Variants in TRAF3 observed in about 807,000 individuals in gnomAD.
TRAF3 encodes the protein TNF receptor-associated factor 3.
A neutral mutation model predicts 62.3 loss-of-function variants in TRAF3; 13 were observed. The ratio of observed to expected loss-of-function variants is 0.21; its 90% CI spans 0.14 to 0.33. The LOEUF (loss-of-function observed/expected upper bound fraction) is 0.33, where lower values mean the gene tolerates loss of function less well. Among genes scored for constraint, TRAF3 ranks in the 10% least tolerant of loss-of-function variants. The pLI is 1.00. For synonymous variants in TRAF3, 269 were observed against 283.4 expected, an observed-to-expected ratio of 0.95 and a Z score of 0.51; for missense variants, 440 against 741.8, an observed-to-expected ratio of 0.59 and a Z score of 4.73.
chr14:102,842,365 G>A (rs976667448), intron 2 of TRAF3, among the ~76,000 whole-genome samples: 6 of 150,460 alleles, frequency 4.0e-5, no homozygotes, highest in Non-Finnish European at 5.9e-5. Flanking sequence ...ATGCAGTAGA[G>A]GGATCACAAC....
rs1890562907 is a variant in TRAF3 at position 102,905,891 on chromosome 14, G to A, written c.*107G>A. On this transcript the variant is annotated 3_prime_UTR_variant, in exon 12 of 12. Coordinates refer to ENST00000392745, the MANE Select transcript of TRAF3 (RefSeq NM_145725.3). ...GCTCAGAAAAGGACCTTGTGAGACG[G>A]AGGAAGCGGCAGAAGGCGGACGCGT... 1.8e-6 allele frequency: 2 copies of A among 1,088,266 alleles called. No individual in the cohort carries two copies. Among genetic ancestry groups the A allele is most frequent in the East Asian group, 2.6e-5 (1 of 38,710 alleles). The allele number at this position is 1,088,266 out of a possible 1,614,324, so 67.4% of individuals were successfully genotyped here.
intron 2 of TRAF3, among the ~76,000 whole-genome samples, chr14:102,864,141 C>T (rs1036778639): frequency 4.7e-5 from 7 of 147,852 alleles, no homozygotes; most frequent in Non-Finnish European, 1.0e-4. Flanking sequence ...CGGTTTTTGC[C>T]TTTTTCTTTT....
At chr14:102,840,345 C>T (rs185616225) in intron 2 of TRAF3, among the ~76,000 whole-genome samples, 28 of 152,276 alleles carry the variant, frequency 1.8e-4, no homozygotes, top group Admixed American at 3.3e-4. Context: ...ATCCTCCAGC[C>T]TCAGCCTCCT....
At chr14:102,881,395 C>CAA (rs57546209) in intron 6 of TRAF3, among the ~76,000 whole-genome samples, 1 of 117,434 alleles carries the variant, frequency 8.5e-6, no homozygotes, top group Non-Finnish European at 2.0e-5. Context: ...ACAACAAAAA[C>CAA]AAAAAAAAAA....
intron 6 of TRAF3, among the ~76,000 whole-genome samples, chr14:102,878,543 G>A (rs1888853863): frequency 2.0e-5 from 3 of 152,144 alleles, no homozygotes; most frequent in African/African-American, 4.8e-5. Context: ...ACTGTGCGCC[G>A]GGCAGTATTC....
intron 2 of TRAF3, among the ~76,000 whole-genome samples, chr14:102,865,507 T>C (rs1453975352): frequency 6.6e-6 from 1 of 150,798 alleles, no homozygotes; most frequent in Admixed American, 6.6e-5. Context: ...ATTTTTTTTT[T>C]TTTTTTTTTT....
intron 1 of TRAF3, among the ~76,000 whole-genome samples, chr14:102,786,605 T>G (rs145928914): frequency 1.2e-3 from 181 of 152,216 alleles, no homozygotes; most frequent in African/African-American, 3.7e-3. Flanking sequence ...GATAATTGCT[T>G]GAACCCGGGA....
intron 1 of TRAF3, 100 bp downstream of exon 1, chr14:102,777,775 C>T (rs1347955658): frequency 6.9e-6 from 1 of 144,406 alleles, no homozygotes; most frequent in Non-Finnish European, 1.5e-5. Flanking sequence ...GCCCGGGGGC[C>T]TCGGGGCTGC....
chr14:102,891,741 A>G (rs538872446), intron 9 of TRAF3, among the ~76,000 whole-genome samples: 1 of 152,104 alleles, frequency 6.6e-6, no homozygotes, highest in South Asian at 2.1e-4. Context: ...TTATTGGAAG[A>G]CAGCCATCCT....
intron 6 of TRAF3, among the ~76,000 whole-genome samples, chr14:102,881,074 C>T (rs1025344884): frequency 4.0e-5 from 6 of 151,794 alleles, no homozygotes; most frequent in Admixed American, 2.6e-4. Flanking sequence ...TCAACAAGAG[C>T]GAAACTCCGT....
chr14:102,865,674 A>G (rs1321279398), intron 2 of TRAF3, among the ~76,000 whole-genome samples: 2 of 151,832 alleles, frequency 1.3e-5, no homozygotes, highest in Non-Finnish European at 2.9e-5. Flanking sequence ...TAATTTTTGT[A>G]TTTTAGTAGA....
chr14:102,879,944 C>G (rs981340534), intron 6 of TRAF3, among the ~76,000 whole-genome samples: 1 of 152,018 alleles, frequency 6.6e-6, no homozygotes, highest in Non-Finnish European at 1.5e-5. Flanking sequence ...TAGCAAGACT[C>G]TGCCTCTACG....
intron 6 of TRAF3, among the ~76,000 whole-genome samples, chr14:102,877,967 G>C (rs1292933538): frequency 6.6e-6 from 1 of 152,172 alleles, no homozygotes; most frequent in Non-Finnish European, 1.5e-5. Flanking sequence ...TATTCTAATA[G>C]GACTAAAGAG....
At chr14:102,899,150 G>A (rs1890150034) in intron 10 of TRAF3, among the ~76,000 whole-genome samples, 1 of 152,244 alleles carries the variant, frequency 6.6e-6, no homozygotes, top group Non-Finnish European at 1.5e-5. Flanking sequence ...CTACACAGAA[G>A]GTCCTTCCAA....
At chr14:102,868,992 T>G (rs1287448622) in intron 2 of TRAF3, among the ~76,000 whole-genome samples, 1 of 152,152 alleles carries the variant, frequency 6.6e-6, no homozygotes, top group East Asian at 1.9e-4. Flanking sequence ...TTAGCAAGTG[T>G]GGAAGAGAGT....
chr14:102,884,050 A>G (rs546516082), intron 6 of TRAF3, among the ~76,000 whole-genome samples: 1 of 152,364 alleles, frequency 6.6e-6, no homozygotes, highest in South Asian at 2.1e-4. Flanking sequence ...AAAGTAACCC[A>G]AAGTTGGTGG....
intron 2 of TRAF3, among the ~76,000 whole-genome samples, chr14:102,837,354 G>T (rs1886088904): frequency 6.6e-6 from 1 of 152,086 alleles, no homozygotes. Context: ...GCCCAGGCTG[G>T]TCTTGAACTC....
intron 2 of TRAF3, among the ~76,000 whole-genome samples, chr14:102,844,249 A>C (rs1245418032): frequency 1.3e-5 from 2 of 152,208 alleles, no homozygotes; most frequent in Non-Finnish European, 2.9e-5. Flanking sequence ...TTCTGATGTA[A>C]ATTTTGAGAA....
intron 4 of TRAF3, among the ~76,000 whole-genome samples, chr14:102,875,214 C>T (rs570732652): frequency 6.6e-6 from 1 of 152,174 alleles, no homozygotes; most frequent in African/African-American, 2.4e-5. Flanking sequence ...TGCTCTTGTC[C>T]TCTGGTGACA....
Sources: gnomAD v4.1 joint callset for allele counts (sites outside exome capture counted in the v4.1 genomes callset) on GRCh38, gnomAD v4.1.1 for gene constraint, MANE v1.5 for transcripts, NCBI Gene and HGNC (gene_info 2026-07-23, HGNC 2026-07-21) for gene names.